The following ZDHHC14 variants were observed in gnomAD, a reference collection of about 807,000 sequenced individuals.
ZDHHC14 encodes palmitoyltransferase ZDHHC14.
Under a neutral mutation model 47.7 loss-of-function variants are expected in ZDHHC14, and 16 were observed. The observed-to-expected ratio is 0.34, with a 90% confidence interval of 0.23 to 0.51. The LOEUF (loss-of-function observed/expected upper bound fraction) is 0.51, where lower values mean the gene tolerates loss of function less well. Ranked by LOEUF, ZDHHC14 falls within the 20% of genes least tolerant of loss-of-function variation. The probability of loss-of-function intolerance (pLI) is 0.97; values close to 1 mark genes in which losing one functional copy is unlikely to be tolerated. For synonymous variants in ZDHHC14, 293 were observed against 278.9 expected (o/e 1.05, Z -0.50); for missense variants, 515 against 662.5 (o/e 0.78, Z 2.44).
Position 157,674,476 on chromosome 6 carries a change from T to A in ZDHHC14, c.*1354T>A, listed in dbSNP as rs1477514561. The A allele has an allele frequency of 6.6e-6, 1 of 152,210 alleles. No homozygotes were observed. Among genetic ancestry groups the A allele is most frequent in the Non-Finnish European group, 1.5e-5 (1 of 68,042 alleles). The allele number at this position is 152,210 out of a possible 1,614,324, so 9.4% of individuals were successfully genotyped here. ...AGAAGGGAACGAACTGGCTCTGGAC[T>A]TAGGGAGTGTGTCACTATGGGGGCA... On this transcript the variant is annotated 3_prime_UTR_variant, in exon 9 of 9. Coordinates refer to ENST00000359775, the MANE Select transcript of ZDHHC14 (RefSeq NM_024630.3).
chr6:157,514,270 G>A (rs1227597171), intron 1 of ZDHHC14, among the ~76,000 whole-genome samples: 1 of 152,160 alleles, frequency 6.6e-6, no homozygotes, highest in Non-Finnish European at 1.5e-5. Flanking sequence ...GCCAGCTCAC[G>A]GCCATGCGGC....
chr6:157,592,136 A>G (rs1783932131), intron 2 of ZDHHC14, among the ~76,000 whole-genome samples: 1 of 152,016 alleles, frequency 6.6e-6, no homozygotes, highest in African/African-American at 2.4e-5. Context: ...AACCCGGGTC[A>G]TTCTGATTTA....
chr6:157,550,199 C>T (rs1782164006), intron 2 of ZDHHC14, among the ~76,000 whole-genome samples: 1 of 152,204 alleles, frequency 6.6e-6, no homozygotes, highest in African/African-American at 2.4e-5. Context: ...CATAGGCATT[C>T]TAGAGAGACC....
intron 8 of ZDHHC14, among the ~76,000 whole-genome samples, chr6:157,665,043 CT>C (rs1778494036): frequency 1.3e-5 from 2 of 152,306 alleles, no homozygotes; most frequent in South Asian, 4.2e-4. Context: ...GGTTGGGGAA[CT>C]TTCCCCAAGA....
rs759700177 is a variant in ZDHHC14, at chr6:157,672,733, G to C, written c.1078G>C (p.Asp360His). The change falls in exon 9 of 9, where the codon GAC becomes CAC. Residue 360 changes from aspartate (D) to histidine (H), a missense_variant. This residue lies in a region of ZDHHC14 where 221 missense variants were observed against 233.6 expected (regional missense o/e 0.95). Transcript: ENST00000359775. ...TQSQSDMCDQ[D>H]QCIQSTKFVL... ...GCCTCCCGCTCTCCAGTGCGACCAA[G>C]ACCAGTGCATTCAGAGCACCAAATT... 2.0e-6 allele frequency: 3 copies of C among 1,484,898 alleles called. No homozygotes were observed. The highest frequency in any genetic ancestry group is 1.8e-5 in the Admixed American group (1 of 55,434). 92.0% of individuals were successfully genotyped at this position (1,484,898 alleles called of 1,614,324 possible). A position where few individuals can be genotyped will look rare whatever the true frequency, so the allele number is the denominator to read the frequency against.
At chr6:157,593,212 A>C in intron 3 of ZDHHC14, 66 bp downstream of exon 3, 3 of 1,524,516 alleles carry the variant, frequency 2.0e-6, no homozygotes, top group African/African-American at 1.4e-5. Flanking sequence ...CGCCTCTCCA[A>C]CCCTGCGCCA....
chr6:157,563,555 C>A (rs1432955172), intron 2 of ZDHHC14, among the ~76,000 whole-genome samples: 7 of 152,210 alleles, frequency 4.6e-5, no homozygotes, highest in African/African-American at 9.7e-5. Context: ...CACTTGCCAG[C>A]CCCAGCAGCT....
chr6:157,632,552 A>C (rs62423255), intron 4 of ZDHHC14: 25,630 of 460,944 alleles, frequency 0.056, 898 homozygotes, highest in Middle Eastern at 0.096. Context: ...AAAACAAAGG[A>C]GTCATCAGAA....
chr6:157,570,766 C>T (rs1452308918), intron 2 of ZDHHC14, among the ~76,000 whole-genome samples: 1 of 148,784 alleles, frequency 6.7e-6, no homozygotes, highest in African/African-American at 2.5e-5. Flanking sequence ...CACACACACA[C>T]ACACATATAT....
At chr6:157,456,856 CTG>C (rs1266223743) in intron 1 of ZDHHC14, among the ~76,000 whole-genome samples, 4 of 152,016 alleles carry the variant, frequency 2.6e-5, no homozygotes, top group African/African-American at 4.8e-5. Context: ...GGTACAAAGA[CTG>C]AGTTGTGGGC....
chr6:157,503,659 G>A lies in ZDHHC14; in HGVS notation c.246-38926G>A, dbSNP rs111461626. Among the ~76,000 whole-genome samples, 281 of 152,190 alleles carry A rather than the reference G, an allele frequency of 1.8e-3. 1 individual carries two copies. Among genetic ancestry groups the A allele is most frequent in the African/African-American group, 6.2e-3 (256 of 41,506 alleles). On this transcript the variant is annotated intron_variant, in intron 1 of 8. Transcript: ENST00000359775. ...TGAATAGTGTGATACACAGTATGAC[G>A]AAATGAATTGCCTAAAATTATTAGG...
chr6:157,458,849 A>AGTTTTTTTTTTTTTTTTTTTTTTTT (rs1434832129), intron 1 of ZDHHC14, among the ~76,000 whole-genome samples: 1 of 81,226 alleles, frequency 1.2e-5, no homozygotes, highest in Non-Finnish European at 2.3e-5. Flanking sequence ...ATGTGGGTGG[A>AGTTTTTTTTTTTTTTTTTTTTTTTT]TTTTTTTTTT....
At chr6:157,556,082 C>T (rs1782447487) in intron 2 of ZDHHC14, among the ~76,000 whole-genome samples, 1 of 152,182 alleles carries the variant, frequency 6.6e-6, no homozygotes, top group South Asian at 2.1e-4. Flanking sequence ...TGTTATTTTA[C>T]AAACTAGCGA....
At chr6:157,633,778 A>G (rs1202909226) in intron 5 of ZDHHC14, among the ~76,000 whole-genome samples, 1 of 152,130 alleles carries the variant, frequency 6.6e-6, no homozygotes, top group African/African-American at 2.4e-5. Flanking sequence ...TCGGCCTCCC[A>G]AGTAGCTGGG....
intron 3 of ZDHHC14, among the ~76,000 whole-genome samples, chr6:157,617,510 G>A (rs1343825548): frequency 6.6e-6 from 1 of 152,122 alleles, no homozygotes; most frequent in Non-Finnish European, 1.5e-5. Context: ...GTGCCCAGAC[G>A]ATGTGGACTC....
At chr6:157,667,395 C>T (rs964524962) in intron 8 of ZDHHC14, among the ~76,000 whole-genome samples, 1 of 151,844 alleles carries the variant, frequency 6.6e-6, no homozygotes, top group African/African-American at 2.4e-5. Flanking sequence ...AATGAAAAGC[C>T]AGGAAGGCTG....
rs1419033424 is a variant in ZDHHC14, at chr6:157,678,103, T to C, written c.*4981T>C. ...TGCAGAATTTATCTTAAACCTGAGA[T>C]GAATTAAAAAATTTTTCTCCTTCAA... On this transcript the variant is annotated 3_prime_UTR_variant, in exon 9 of 9. Coordinates refer to ENST00000359775, the MANE Select transcript of ZDHHC14 (RefSeq NM_024630.3). 1 of 152,232 alleles carries C rather than the reference T, an allele frequency of 6.6e-6. No homozygotes were observed. Among genetic ancestry groups the C allele is most frequent in the African/African-American group, 2.4e-5 (1 of 41,456 alleles). 9.4% of individuals were successfully genotyped at this position (152,232 alleles called of 1,614,324 possible).
intron 1 of ZDHHC14, among the ~76,000 whole-genome samples, chr6:157,524,131 ATT>A (rs879683007): frequency 2.9e-4 from 41 of 142,800 alleles, no homozygotes; most frequent in African/African-American, 8.4e-4. Context: ...TTGATTGGCA[ATT>A]TTTTTTTTTT....
intron 1 of ZDHHC14, among the ~76,000 whole-genome samples, chr6:157,394,454 C>T (rs1777483143): frequency 6.6e-6 from 1 of 152,178 alleles, no homozygotes; most frequent in Non-Finnish European, 1.5e-5. Flanking sequence ...GGGACGTGCA[C>T]CTTTGGAGCC....
Sources: allele counts gnomAD v4.1 joint callset (sites outside exome capture counted in the v4.1 genomes callset), GRCh38; gene constraint gnomAD v4.1.1; regional missense constraint gnomAD v4.1.1; transcripts MANE v1.5; gene names NCBI Gene and HGNC (gene_info 2026-07-23, HGNC 2026-07-21).